Variants in RALGAPA2 observed in about 807,000 individuals in gnomAD.
RALGAPA2 encodes the protein Ral GTPase activating protein catalytic subunit alpha 2, also known as ral GTPase-activating protein subunit alpha-2.
Under a neutral mutation model 230.4 loss-of-function variants are expected in RALGAPA2, and 139 were observed. The observed-to-expected ratio is 0.60, with a 90% CI of 0.53 to 0.69. RALGAPA2 has a LOEUF of 0.69. Among genes scored for constraint, RALGAPA2 ranks in the 30% least tolerant of loss-of-function variants. The pLI is 0.00. For synonymous variants in RALGAPA2, 847 were observed against 837.8 expected, an observed-to-expected ratio of 1.01 and a Z score of -0.19; for missense variants, 2,163 against 2,276.0, an observed-to-expected ratio of 0.95 and a Z score of 1.01.
At chr20:20,657,648 C>CTTCCTTCCATGCA (rs2067635231) in intron 3 of RALGAPA2, among the ~76,000 whole-genome samples, 2 of 152,166 alleles carry the variant, frequency 1.3e-5, no homozygotes, top group South Asian at 2.1e-4. Context: ...GCTTTCTGTG[C>CTTCCTTCCATGCA]TTCCTTCCAT....
At chr20:20,695,551 A>C (rs1001314172) in intron 1 of RALGAPA2, among the ~76,000 whole-genome samples, 3 of 152,242 alleles carry the variant, frequency 2.0e-5, no homozygotes, top group Admixed American at 2.0e-4. Flanking sequence ...GTCAACTGAC[A>C]GAACAGAAGC....
In RALGAPA2 at chr20:20,616,183, CA is replaced by C; in HGVS notation, c.1547del (p.Leu516Ter). The C allele has an allele frequency of 6.6e-7, 1 of 1,509,314 alleles. No homozygotes were observed. Among genetic ancestry groups the C allele is most frequent in the Non-Finnish European group, 8.8e-7 (1 of 1,130,800 alleles). The allele number at this position is 1,509,314 out of a possible 1,614,324, so 93.5% of individuals were successfully genotyped here. On this transcript the variant is annotated frameshift_variant, in exon 13 of 40. Coordinates refer to ENST00000202677, the MANE Select transcript of RALGAPA2 (RefSeq NM_020343.4). LOFTEE classifies it high-confidence loss of function. ...ACAAAAAGATGTTTGCAGAGTTCGT[CA>C]AAAATACCTTAAAATCAACAACTTT... The part of the protein sequence containing the change: ...AGVQALLQVF[L>X]TNSANIFLLE...
chr20:20,619,790 A>G (rs2066265847), intron 11 of RALGAPA2, among the ~76,000 whole-genome samples: 1 of 152,262 alleles, frequency 6.6e-6, no homozygotes, highest in African/African-American at 2.4e-5. Context: ...TGGAACACAG[A>G]TATTTTAAAG....
At chr20:20,667,976 A>G (rs536899274) in intron 3 of RALGAPA2, among the ~76,000 whole-genome samples, 4 of 152,228 alleles carry the variant, frequency 2.6e-5, no homozygotes, top group South Asian at 4.1e-4. Flanking sequence ...CACTCTGGTA[A>G]TAAGAAGAAG....
At chr20:20,659,581 A>G (rs542410105) in intron 3 of RALGAPA2, 1 of 238,236 alleles carries the variant, frequency 4.2e-6, no homozygotes, top group Non-Finnish European at 8.4e-6. Context: ...TGTGACAGTG[A>G]GCTATATTTA....
intron 23 of RALGAPA2, among the ~76,000 whole-genome samples, chr20:20,564,849 T>G (rs1215715096): frequency 6.6e-6 from 1 of 152,232 alleles, no homozygotes; most frequent in African/African-American, 2.4e-5. Flanking sequence ...TTCTTGGAAG[T>G]ACATTTTCCA....
chr20:20,612,667 G>A (rs2066010998), intron 13 of RALGAPA2, among the ~76,000 whole-genome samples: 1 of 152,212 alleles, frequency 6.6e-6, no homozygotes, highest in African/African-American at 2.4e-5. Flanking sequence ...CCTGCCTACG[G>A]ATTCTGGAAG....
intron 20 of RALGAPA2, among the ~76,000 whole-genome samples, chr20:20,582,161 A>AGTGTGTGTGTGTGTGTGTGTGT (rs35240382): frequency 6.8e-6 from 1 of 146,066 alleles, no homozygotes; most frequent in Admixed American, 6.9e-5. Context: ...AGTGTCACAC[A>AGTGTGTGTGTGTGTGTGTGTGT]GTGTGTGTGT....
chr20:20,421,118 A>G (rs1469592641), intron 37 of RALGAPA2, among the ~76,000 whole-genome samples: 1 of 138,670 alleles, frequency 7.2e-6, no homozygotes, highest in Non-Finnish European at 1.5e-5. Context: ...AATAAAGACA[A>G]CCAAGTTTAA....
chr20:20,536,828 G>T (rs2063511276), intron 24 of RALGAPA2, 44 bp from the exon 25 acceptor site: 1 of 1,572,010 alleles, frequency 6.4e-7, no homozygotes, highest in Admixed American at 1.8e-5. Flanking sequence ...CTTTTTGTAA[G>T]TTAGAAACGT....
chr20:20,492,775 C>T (rs1195720691), intron 36 of RALGAPA2, among the ~76,000 whole-genome samples: 1 of 152,152 alleles, frequency 6.6e-6, no homozygotes, highest in Non-Finnish European at 1.5e-5. Flanking sequence ...TACTAACAGA[C>T]TTACCATTGT....
chr20:20,665,044 T>C (rs1010583324), intron 3 of RALGAPA2, among the ~76,000 whole-genome samples: 1 of 152,152 alleles, frequency 6.6e-6, no homozygotes, highest in African/African-American at 2.4e-5. Flanking sequence ...AGTAATAGAC[T>C]TATAATAGCA....
At chr20:20,588,484 A>G (rs371130098) in intron 18 of RALGAPA2, among the ~76,000 whole-genome samples, 92 of 152,352 alleles carry the variant, frequency 6.0e-4, no homozygotes, top group African/African-American at 2.1e-3. Context: ...AAGCCAAGAT[A>G]AGGCCCCTCT....
intron 1 of RALGAPA2, among the ~76,000 whole-genome samples, chr20:20,693,800 A>T (rs757896255): frequency 3.9e-5 from 6 of 152,100 alleles, no homozygotes; most frequent in Non-Finnish European, 8.8e-5. Context: ...TCACCCAATT[A>T]AGTGTAATAC....
chr20:20,682,081 T>C (rs990656334), intron 1 of RALGAPA2, among the ~76,000 whole-genome samples: 3 of 152,132 alleles, frequency 2.0e-5, no homozygotes, highest in African/African-American at 7.2e-5. Flanking sequence ...TTCTGAAGAG[T>C]TGTTTTTCTC....
intron 37 of RALGAPA2, among the ~76,000 whole-genome samples, chr20:20,463,583 CT>C (rs1173489744): frequency 1.3e-5 from 2 of 152,120 alleles, no homozygotes; most frequent in East Asian, 1.9e-4. Flanking sequence ...AATGGCCAGA[CT>C]TTTTTCTATG....
At chr20:20,557,597 C>T (rs555769429) in intron 23 of RALGAPA2, among the ~76,000 whole-genome samples, 90 of 152,288 alleles carry the variant, frequency 5.9e-4, no homozygotes, top group African/African-American at 1.9e-3. Context: ...AAGATTTAAT[C>T]GACACTGCCA....
intron 36 of RALGAPA2, among the ~76,000 whole-genome samples, chr20:20,483,557 C>T (rs77939019): frequency 6.6e-6 from 1 of 152,228 alleles, no homozygotes; most frequent in Non-Finnish European, 1.5e-5. Flanking sequence ...CATCAAGGCT[C>T]AATCTGTACG....
Position 20,390,477 on chromosome 20 carries a change from A to T in RALGAPA2, c.*2812T>A, listed in dbSNP as rs1011164211. ...GGAATCTGGGAATAGGTGTGCAGAG[A>T]AGTGAGGGAACTGGCCTGGCCCTGC... On this transcript the variant is annotated 3_prime_UTR_variant, in exon 40 of 40. Coordinates refer to ENST00000202677, the MANE Select transcript of RALGAPA2 (RefSeq NM_020343.4). 1.3e-5 allele frequency: 2 copies of T among 152,154 alleles called. No homozygotes were observed. The highest frequency in any genetic ancestry group is 2.9e-5 in the Non-Finnish European group (2 of 68,026). The allele number at this position is 152,154 out of a possible 1,614,324, so 9.4% of individuals were successfully genotyped here.
Sources: gnomAD v4.1 joint callset for allele counts (sites outside exome capture counted in the v4.1 genomes callset) on GRCh38, gnomAD v4.1.1 for gene constraint, MANE v1.5 for transcripts, NCBI Gene and HGNC (gene_info 2026-07-23, HGNC 2026-07-21) for gene names.